The following NSMF variants were observed in gnomAD, a reference collection of about 807,000 sequenced individuals.
NSMF encodes the protein nasal embryonic LHRH factor.
In NSMF, 31 loss-of-function variants were observed where a neutral mutation model predicts 71.0. That is an observed-to-expected ratio of 0.44 (90% confidence interval 0.33 to 0.59). NSMF has a LOEUF of 0.59. Among genes scored for constraint, NSMF ranks in the 20% least tolerant of loss-of-function variants. The probability of loss-of-function intolerance (pLI) is 0.04; values close to 1 mark genes in which losing one functional copy is unlikely to be tolerated. For missense variants in NSMF, 673 were observed against 740.5 expected, an observed-to-expected ratio of 0.91 and a Z score of 1.06; for synonymous variants, 345 against 287.1, an observed-to-expected ratio of 1.20 and a Z score of -2.04.
At chr9:137,458,437 C>A (rs1830974638) in intron 2 of NSMF, 51 bp downstream of exon 2, 2 of 1,486,232 alleles carry the variant, frequency 1.3e-6, no homozygotes, top group East Asian at 2.4e-5. Flanking sequence ...GATCAGCATC[C>A]CTTGGGCTGG....
Position 137,457,555 on chromosome 9 carries a change from G to A in NSMF, c.480C>T (p.Ser160=). The A allele has an allele frequency of 6.3e-7, 1 of 1,591,146 alleles. No homozygotes were observed. The highest frequency in any genetic ancestry group is 8.5e-7 in the Non-Finnish European group (1 of 1,169,620). ...VSRPCQSWAG[S]RQGSKECPGC... The stretch of plus-strand genomic sequence containing the variant: ...CGGGGCACTCCTTGGAGCCCTGGCG[G>A]CTGCCCGCCCAGCTCTGGCAGGGCC... Residue 160 remains serine, a synonymous_variant, in exon 3 of 16, where the codon AGC becomes AGT. Coordinates refer to ENST00000371475, the MANE Select transcript of NSMF (RefSeq NM_001130969.3).
In NSMF at chr9:137,457,795, C is replaced by G. The variant is rs976864259; in HGVS notation, c.240G>C (p.Glu80Asp). 6.4e-6 allele frequency: 10 copies of G among 1,558,332 alleles called. No individual in the cohort carries two copies. Among genetic ancestry groups the G allele is most frequent in the Non-Finnish European group, 8.7e-6 (10 of 1,151,216 alleles). ...TGCTGGGCTCCTCTGAGAGGCTGCCCTCGTAGCAGCCGTTGGAGACGAGGG... is the reference window on the plus strand; with the variant it reads ...TGCTGGGCTCCTCTGAGAGGCTGCCGTCGTAGCAGCCGTTGGAGACGAGGG... ...RLSLVSNGCY[E>D]GSLSEEPSIR... Residue 80 changes from glutamate (E) to aspartate (D), a missense_variant, in exon 3 of 16, where the codon GAG (glutamate) becomes GAC (aspartate). By Grantham distance (45) the Glu-to-Asp change is conservative. Around this residue, in one of 2 missense-constraint regions of NSMF, gnomAD observed 471 missense variants for 459.6 expected, o/e 1.02. Transcript: ENST00000371475.
intron 3 of NSMF, among the ~76,000 whole-genome samples, 160 bp downstream of exon 3, chr9:137,457,247 G>A (rs1830881050): frequency 6.6e-6 from 1 of 152,194 alleles, no homozygotes. Context: ...AGGGTGTGGA[G>A]GCCGCAGCAG....
rs1486610574 is a variant in NSMF at position 137,448,803 on chromosome 9, G to A, written c.*591C>T. ...AGTGTAAGTGAAAGCACAGACAGTCGGAGACTCGGCCAGTGTAGACAGACC... is the reference window on the plus strand; with the variant it reads ...AGTGTAAGTGAAAGCACAGACAGTCAGAGACTCGGCCAGTGTAGACAGACC... On this transcript the variant is annotated 3_prime_UTR_variant, in exon 16 of 16. Transcript: ENST00000371475. The surrounding 1 kb of genome is among the most constrained non-coding windows in gnomAD (Gnocchi z 5.3). 9 of 164,338 alleles carry A rather than the reference G, an allele frequency of 5.5e-5. No homozygotes were observed. Among genetic ancestry groups the A allele is most frequent in the Non-Finnish European group, 9.4e-5 (7 of 74,526 alleles). 10.2% of individuals were successfully genotyped at this position (164,338 alleles called of 1,614,324 possible). A position where few individuals can be genotyped will look rare whatever the true frequency, so the allele number is the denominator to read the frequency against.
chr9:137,452,706 T>C, intron 10 of NSMF, 30 bp downstream of exon 10: 1 of 1,603,178 alleles, frequency 6.2e-7, no homozygotes, highest in Non-Finnish European at 8.5e-7. Flanking sequence ...AGAGGGCATC[T>C]GTTGGGGGCA....
chr9:137,454,589 A>ACCCAAAGGCAAATCCCAC, intron 6 of NSMF, 146 bp from the exon 7 acceptor site: 1 of 1,546,086 alleles, frequency 6.5e-7, no homozygotes. Flanking sequence ...ACCACCTCCC[A>ACCCAAAGGCAAATCCCAC]CCCAAAGGCA....
intron 12 of NSMF, among the ~76,000 whole-genome samples, chr9:137,451,123 A>G (rs1163902323): frequency 6.0e-5 from 2 of 33,456 alleles, no homozygotes; most frequent in Non-Finnish European, 1.1e-4. Context: ...CTTCCCCTTG[A>G]TCTCCCGCGC....
Position 137,453,033 on chromosome 9 carries a change from G to A in NSMF, c.1047+23C>T. On this transcript the variant is annotated intron_variant, in intron 9 of 15. Coordinates refer to ENST00000371475, the MANE Select transcript of NSMF (RefSeq NM_001130969.3). This position sits in a 1 kb window ranked among gnomAD's most constrained non-coding sequence, Gnocchi z 4.5. ...GGAGTCCTGCTCGGGGTGTAGAGGA[G>A]CACTGCCCGGGCTGGGCCTCACCAT... 1.9e-6 allele frequency: 3 copies of A among 1,611,564 alleles called. No homozygotes were observed. The African/African-American group carries it at 4.0e-5, about 21-fold the overall frequency.
Position 137,449,905 on chromosome 9 carries a change from G to A in NSMF, c.1419+18C>T, listed in dbSNP as rs1423216879. The stretch of plus-strand genomic sequence containing the variant: ...GGGGTTTCCAGAGGTCTGGGGTGGG[G>A]CTTGGGGGTCACTGTACCTTCTCTC... On this transcript the variant is annotated intron_variant, in intron 14 of 15. Coordinates refer to ENST00000371475, the MANE Select transcript of NSMF (RefSeq NM_001130969.3). The A allele has an allele frequency of 6.3e-7, 1 of 1,597,776 alleles. No individual in the cohort carries two copies. The highest frequency in any genetic ancestry group is 1.3e-5 in the African/African-American group (1 of 74,706).
chr9:137,455,057 T>G, intron 6 of NSMF, 182 bp downstream of exon 6: 4 of 757,782 alleles, frequency 5.3e-6, no homozygotes, highest in Non-Finnish European at 9.5e-6. Context: ...GGACTGAGGG[T>G]GAGATGCTTT....
chr9:137,457,834 G>A lies in NSMF; in HGVS notation c.201C>T (p.Asn67=). ...GSPEMQPAPQ[N]KRRLSLVSNG... ...TGGAGACGAGGGACAGGCGGCGCTT[G>A]TTCTGGGGGGCCGGCTGCATCTCGG... The change falls in exon 3 of 16, where the codon AAC becomes AAT. Residue 67 remains asparagine (N), a synonymous_variant. Coordinates refer to ENST00000371475, the MANE Select transcript of NSMF (RefSeq NM_001130969.3). 1 of 1,555,072 alleles carries A rather than the reference G, an allele frequency of 6.4e-7. No homozygotes were observed. Among genetic ancestry groups the A allele is most frequent in the Non-Finnish European group, 8.7e-7 (1 of 1,149,770 alleles).
At chr9:137,457,019 T>C (rs1830871127) in intron 3 of NSMF, among the ~76,000 whole-genome samples, 1 of 151,622 alleles carries the variant, frequency 6.6e-6, no homozygotes, top group Non-Finnish European at 1.5e-5. Flanking sequence ...TGGGGAAAGA[T>C]GCCCACTGCC....
chr9:137,448,452 A>G lies in NSMF; in HGVS notation c.*942T>C, dbSNP rs1055130192. On this transcript the variant is annotated 3_prime_UTR_variant, in exon 16 of 16. Transcript: ENST00000371475. The surrounding 1 kb of genome is among the most constrained non-coding windows in gnomAD (Gnocchi z 5.3). Reference sequence around the variant, plus strand: ...CCTGTGCCCAGTCAGGAGCCCCTACAGTCCACCAGCTGCGCGGCCGGGTCC... The same window carrying G: ...CCTGTGCCCAGTCAGGAGCCCCTACGGTCCACCAGCTGCGCGGCCGGGTCC... 7.2e-5 allele frequency: 11 copies of G among 152,188 alleles called. No homozygotes were observed. Among genetic ancestry groups the G allele is most frequent in the Non-Finnish European group, 1.5e-4 (10 of 68,016 alleles). The allele number at this position is 152,188 out of a possible 1,614,324, so 9.4% of individuals were successfully genotyped here.
At chr9:137,458,454 T>G in intron 2 of NSMF, 34 bp downstream of exon 2, 1 of 1,545,002 alleles carries the variant, frequency 6.5e-7, no homozygotes, top group Non-Finnish European at 8.7e-7. Flanking sequence ...CTGGGGGGTC[T>G]GGGCGGCCCT....
rs182936944 is a variant in NSMF, at chr9:137,458,390, C to T, written c.133+98G>A. 2.7e-6 allele frequency: 3 copies of T among 1,127,634 alleles called. No homozygotes were observed. The Admixed American group carries it at 6.0e-5, about 22-fold the overall frequency. 69.9% of individuals were successfully genotyped at this position (1,127,634 alleles called of 1,614,324 possible). ...GCCGGCAGGGCGCCGGGCCCACGCG[C>T]AACCAATGCCCCTCACGCTCCACCC... On this transcript the variant is annotated intron_variant, in intron 2 of 15. Transcript: ENST00000371475.
In NSMF at chr9:137,453,050, C is replaced by A. The variant is rs368831654; in HGVS notation, c.1047+6G>T. The A allele has an allele frequency of 6.2e-7, 1 of 1,612,094 alleles. No homozygotes were observed. Among genetic ancestry groups the A allele is most frequent in the African/African-American group, 1.3e-5 (1 of 74,884 alleles). On this transcript the variant is annotated splice_donor_region_variant and intron_variant, in intron 9 of 15. Coordinates refer to ENST00000371475, the MANE Select transcript of NSMF (RefSeq NM_001130969.3). This position sits in a 1 kb window ranked among gnomAD's most constrained non-coding sequence, Gnocchi z 4.5. The stretch of plus-strand genomic sequence containing the variant: ...GTAGAGGAGCACTGCCCGGGCTGGG[C>A]CTCACCATGACCTTTGGTGGCACGA...
chr9:137,452,450 G>C lies in NSMF; in HGVS notation c.1166-15C>G, dbSNP rs924512176. On this transcript the variant is annotated splice_polypyrimidine_tract_variant and intron_variant, in intron 11 of 15. Transcript: ENST00000371475. ...CTCTATCTCCTCTGTGGGAGAGCGG[G>C]TGTGAGTGCTGCGGCCCCCACCCCA... is the stretch of plus-strand genomic sequence containing the variant. 1.2e-6 allele frequency: 2 copies of C among 1,612,136 alleles called. No individual in the cohort carries two copies. Among genetic ancestry groups the C allele is most frequent in the Non-Finnish European group, 1.7e-6 (2 of 1,179,732 alleles).
Position 137,459,226 on chromosome 9 carries a change from CGGCTCG to C in NSMF, c.-130_-125del. Reference sequence around the variant, plus strand: ...CGGGCTCGGGGTCTCGCTCGGGCTCCGGCTCGGGCTTGGGCTCGGGGTCGGGCTCGG... The same window carrying C: ...CGGGCTCGGGGTCTCGCTCGGGCTCCGGCTTGGGCTCGGGGTCGGGCTCGG... On this transcript the variant is annotated 5_prime_UTR_variant, in exon 1 of 16. Coordinates refer to ENST00000371475, the MANE Select transcript of NSMF (RefSeq NM_001130969.3). 1.0e-5 allele frequency: 7 copies of C among 683,042 alleles called. No individual in the cohort carries two copies. Among genetic ancestry groups the C allele is most frequent in the Non-Finnish European group, 1.1e-5 (6 of 539,850 alleles). 42.3% of individuals were successfully genotyped at this position (683,042 alleles called of 1,614,324 possible).
chr9:137,452,995 C>G (rs1398049415), intron 9 of NSMF, 61 bp downstream of exon 9: 12 of 1,608,028 alleles, frequency 7.5e-6, no homozygotes, highest in Non-Finnish European at 9.3e-6. Context: ...GCTGGCTGGA[C>G]TCGGGTTGGG....
Sources: allele counts gnomAD v4.1 joint callset (sites outside exome capture counted in the v4.1 genomes callset), GRCh38; gene constraint gnomAD v4.1.1; regional missense constraint gnomAD v4.1.1; non-coding constraint Gnocchi (gnomAD v3.1); transcripts MANE v1.5; gene names NCBI Gene and HGNC (gene_info 2026-07-23, HGNC 2026-07-21).